The following SOD2 variants were observed in gnomAD, a reference collection of about 807,000 sequenced individuals.
SOD2 encodes the protein superoxide dismutase 2, also known as superoxide dismutase [Mn], mitochondrial.
SOD2 carries 11 observed loss-of-function variants against 27.0 expected under a neutral mutation model. The observed-to-expected ratio is 0.41, with a 90% CI of 0.26 to 0.67. SOD2 has a LOEUF of 0.67. Among genes scored for constraint, SOD2 ranks in the 30% least tolerant of loss-of-function variants. The probability of loss-of-function intolerance (pLI) is 0.34; values close to 1 mark genes in which losing one functional copy is unlikely to be tolerated. For synonymous variants in SOD2, 105 were observed against 103.0 expected, an observed-to-expected ratio of 1.02 and a Z score of -0.12; for missense variants, 250 against 274.5, an observed-to-expected ratio of 0.91 and a Z score of 0.63.
At position 159,682,479 on chromosome 6, in the gene SOD2, A is replaced by AT. The variant is rs1562416109; in HGVS notation, c.*13dup. 2 of 1,611,856 alleles carry AT rather than the reference A, an allele frequency of 1.2e-6. No homozygotes were observed. The highest frequency in any genetic ancestry group is 1.3e-5 in the African/African-American group (1 of 75,052). On this transcript the variant is annotated 3_prime_UTR_variant, in exon 5 of 5. Transcript: ENST00000538183. ...TCATAAAGAGCTTAACATACTCAGC[A>AT]TAACGATCGTGGTTTACTTTTTGCA... is the stretch of plus-strand genomic sequence containing the variant.
Position 159,693,199 on chromosome 6 carries a change from C to T in SOD2, c.-32G>A. ...AGTGCTGGTGCTACCGCTGATGCCG[C>T]CGATCTGCTGAAGCCGCTGCCGAAG... On this transcript the variant is annotated 5_prime_UTR_variant, in exon 1 of 5. Coordinates refer to ENST00000538183, the MANE Select transcript of SOD2 (RefSeq NM_000636.4). 2.0e-6 allele frequency: 3 copies of T among 1,517,774 alleles called. No individual in the cohort carries two copies. The highest frequency in any genetic ancestry group is 2.7e-6 in the Non-Finnish European group (3 of 1,130,970). The allele number at this position is 1,517,774 out of a possible 1,614,324, so 94.0% of individuals were successfully genotyped here.
chr6:159,759,622 A>G (rs1299910124), intron 1 of SOD2, among the ~76,000 whole-genome samples: 2 of 150,898 alleles, frequency 1.3e-5, no homozygotes, highest in Non-Finnish European at 2.9e-5. Context: ...GTGAGCCGAG[A>G]TAGCGCCACT....
At chr6:159,744,665 A>G (rs1016760848) in intron 1 of SOD2, among the ~76,000 whole-genome samples, 5 of 152,200 alleles carry the variant, frequency 3.3e-5, no homozygotes, top group South Asian at 2.1e-4. Context: ...ACTTCTTCAC[A>G]TTTTACTTTG....
upstream of SOD2, among the ~76,000 whole-genome samples, chr6:159,729,141 G>A (rs1251707635): frequency 1.3e-5 from 2 of 152,206 alleles, no homozygotes; most frequent in Non-Finnish European, 2.9e-5. Context: ...GTACATTAAA[G>A]CGTTCAAGGT....
At chr6:159,742,556 C>G (rs1367885604) in intron 1 of SOD2, among the ~76,000 whole-genome samples, 2 of 152,078 alleles carry the variant, frequency 1.3e-5, no homozygotes, top group African/African-American at 2.4e-5. Flanking sequence ...ATATATATAA[C>G]TTAATAATAT....
At chr6:159,690,485 G>A (rs1272369890) in intron 2 of SOD2, among the ~76,000 whole-genome samples, 2 of 152,018 alleles carry the variant, frequency 1.3e-5, no homozygotes, top group Non-Finnish European at 2.9e-5. Flanking sequence ...CGTAGACAAT[G>A]CTGCTTTCTG....
chr6:159,743,932 T>G, intron 1 of SOD2: 1 of 979,236 alleles, frequency 1.0e-6, no homozygotes, highest in Non-Finnish European at 1.3e-6. Flanking sequence ...GCTTTAAGAA[T>G]ACTAGATGAA....
intron 1 of SOD2, among the ~76,000 whole-genome samples, chr6:159,752,883 G>A (rs1779872537): frequency 6.6e-6 from 1 of 152,162 alleles, no homozygotes; most frequent in Non-Finnish European, 1.5e-5. Flanking sequence ...GGCACTACAA[G>A]CATGTGTGCC....
intron 2 of SOD2, 148 bp from the exon 3 acceptor site, chr6:159,688,390 C>T (rs953548825): frequency 1.0e-5 from 6 of 585,350 alleles, no homozygotes; most frequent in Non-Finnish European, 1.8e-5. Context: ...CACCCCCCCG[C>T]CCCAAAATTA....
chr6:159,734,500 C>T (rs945849886), intron 1 of SOD2, among the ~76,000 whole-genome samples: 6 of 151,974 alleles, frequency 3.9e-5, no homozygotes, highest in Non-Finnish European at 7.4e-5. Flanking sequence ...AGGGAAGATT[C>T]ATGAGTATAC....
intron 1 of SOD2, chr6:159,743,744 C>T (rs775285813): frequency 6.2e-7 from 1 of 1,613,294 alleles, no homozygotes; most frequent in South Asian, 1.1e-5. Flanking sequence ...GGGAAAACAT[C>T]CTTGTAATGC....
Position 159,682,309 on chromosome 6 carries a change from T to A in SOD2, c.*184A>T. The A allele has an allele frequency of 2.2e-6, 1 of 459,154 alleles. No individual in the cohort carries two copies. The highest frequency in any genetic ancestry group is 4.8e-5 in the South Asian group (1 of 21,024). The allele number at this position is 459,154 out of a possible 1,614,324, so 28.4% of individuals were successfully genotyped here. ...CACACAAAGCATTTACTATTTTCAA[T>A]CACTTGCCCAATAACAAAATGTTTA... is the stretch of plus-strand genomic sequence containing the variant. On this transcript the variant is annotated 3_prime_UTR_variant, in exon 5 of 5. Transcript: ENST00000538183.
At chr6:159,684,715 C>A in intron 4 of SOD2, 139 bp downstream of exon 4, 1 of 557,520 alleles carries the variant, frequency 1.8e-6, no homozygotes, top group Non-Finnish European at 3.1e-6. Flanking sequence ...TTTTTACTTA[C>A]ACAAGACTCT....
At chr6:159,755,759 T>G in intron 1 of SOD2, 2 of 951,830 alleles carry the variant, frequency 2.1e-6, no homozygotes, top group Non-Finnish European at 2.6e-6. Context: ...GTTTTTTTTT[T>G]CTTTTCTTTT....
At chr6:159,705,473 T>C (rs538809453) in intron 1 of SOD2, among the ~76,000 whole-genome samples, 210 of 152,300 alleles carry the variant, frequency 1.4e-3, no homozygotes, top group African/African-American at 4.9e-3. Flanking sequence ...ACGTGACGAA[T>C]GCACAAGCTT....
In SOD2 at chr6:159,673,109, G is replaced by C. The variant is rs1423546498; in HGVS notation, c.*9384C>G. 1 of 152,098 alleles carries C rather than the reference G, an allele frequency of 6.6e-6. No homozygotes were observed. Among genetic ancestry groups the C allele is most frequent in the Non-Finnish European group, 1.5e-5 (1 of 68,036 alleles). 9.4% of individuals were successfully genotyped at this position (152,098 alleles called of 1,614,324 possible). A position where few individuals can be genotyped will look rare whatever the true frequency, so the allele number is the denominator to read the frequency against. The stretch of plus-strand genomic sequence containing the variant: ...CCCAGATTCATAAACCAAGTCCTTA[G>C]AGACCTACAAAGAGATTTAGACTCC... On this transcript the variant is annotated 3_prime_UTR_variant, in exon 5 of 5. Coordinates refer to ENST00000538183, the MANE Select transcript of SOD2 (RefSeq NM_000636.4).
chr6:159,677,149 A>G lies in SOD2; in HGVS notation c.*5344T>C, dbSNP rs1352367591. 1 of 152,160 alleles carries G rather than the reference A, an allele frequency of 6.6e-6. No homozygotes were observed. The highest frequency in any genetic ancestry group is 1.5e-5 in the Non-Finnish European group (1 of 68,032). The allele number at this position is 152,160 out of a possible 1,614,324, so 9.4% of individuals were successfully genotyped here. On this transcript the variant is annotated 3_prime_UTR_variant, in exon 5 of 5. Coordinates refer to ENST00000538183, the MANE Select transcript of SOD2 (RefSeq NM_000636.4). ...ATGTCCTGGGACTTCATGGAGCACAAATTATAGTGGGCAGAGAGGCAAACT... is the reference window on the plus strand; with the variant it reads ...ATGTCCTGGGACTTCATGGAGCACAGATTATAGTGGGCAGAGAGGCAAACT...
upstream of SOD2, among the ~76,000 whole-genome samples, chr6:159,729,028 A>G (rs544801943): frequency 6.6e-6 from 1 of 152,322 alleles, no homozygotes; most frequent in East Asian, 1.9e-4. Context: ...TGTTTGCTGA[A>G]AATATTTTTG....
chr6:159,738,916 G>C, intron 1 of SOD2: 1 of 1,099,804 alleles, frequency 9.1e-7, no homozygotes, highest in Non-Finnish European at 1.3e-6. Context: ...CTTGGGAGAT[G>C]TTTCATAGGT....
Sources: gnomAD v4.1 joint callset for allele counts (sites outside exome capture counted in the v4.1 genomes callset) on GRCh38, gnomAD v4.1.1 for gene constraint, MANE v1.5 for transcripts, NCBI Gene and HGNC (gene_info 2026-07-23, HGNC 2026-07-21) for gene names.